DCAKD: variants seen among roughly 807,000 people sequenced by gnomAD.
DCAKD encodes dephospho-CoA kinase domain containing.
In DCAKD, 15 loss-of-function variants were observed where a neutral mutation model predicts 18.7. The observed-to-expected ratio is 0.80, with a 90% CI of 0.54 to 1.24. The LOEUF (loss-of-function observed/expected upper bound fraction) is 1.24, where lower values mean the gene tolerates loss of function less well. DCAKD is among the 50% of genes most tolerant of loss of function. The pLI, the probability that DCAKD is intolerant of heterozygous loss-of-function variation, is 0.00. For synonymous variants in DCAKD, 130 were observed against 133.0 expected, an observed-to-expected ratio of 0.98 and a Z score of 0.16; for missense variants, 301 against 322.0, an observed-to-expected ratio of 0.93 and a Z score of 0.50.
At chr17:45,032,274 G>C (rs778529270) in intron 3 of DCAKD, among the ~76,000 whole-genome samples, 13 of 152,312 alleles carry the variant, frequency 8.5e-5, no homozygotes. Context: ...GGAGGCCTGC[G>C]GCATGGTGCT....
upstream of DCAKD, chr17:45,053,996 G>A (rs186701646): frequency 4.1e-4 from 203 of 494,322 alleles, no homozygotes; most frequent in Non-Finnish European, 6.6e-4. Flanking sequence ...GCACAGTAGG[G>A]ATTCAGTATA....
intron 1 of DCAKD, among the ~76,000 whole-genome samples, chr17:45,059,977 G>A (rs1316225644): frequency 2.6e-5 from 4 of 152,048 alleles, no homozygotes; most frequent in African/African-American, 7.2e-5. Context: ...GGTGGCGTGC[G>A]CCTTTAATCC....
upstream of DCAKD, among the ~76,000 whole-genome samples, chr17:45,054,590 GTTCT>G (rs893921856): frequency 6.6e-6 from 1 of 152,172 alleles, no homozygotes; most frequent in African/African-American, 2.4e-5. Context: ...CAGTTAGAAA[GTTCT>G]TTCTTAGGCA....
intron 4 of DCAKD, among the ~76,000 whole-genome samples, chr17:45,028,807 C>T (rs1357386042): frequency 2.6e-5 from 4 of 151,180 alleles, no homozygotes; most frequent in Non-Finnish European, 5.9e-5. Context: ...TGGGTTCAAG[C>T]GATTCTCTGG....
intron 4 of DCAKD, chr17:45,026,697 A>G: frequency 1.0e-6 from 1 of 985,390 alleles, no homozygotes. Flanking sequence ...CATGAAAATG[A>G]ATTATACGAG....
upstream of DCAKD, among the ~76,000 whole-genome samples, chr17:45,052,461 G>A (rs191695692): frequency 3.3e-5 from 5 of 152,234 alleles, no homozygotes; most frequent in East Asian, 1.9e-4. Context: ...CTCATACAAA[G>A]TCATGTGATT....
chr17:45,025,421 T>G (rs561027414), intron 4 of DCAKD, among the ~76,000 whole-genome samples: 1 of 152,304 alleles, frequency 6.6e-6, no homozygotes, highest in East Asian at 1.9e-4. Flanking sequence ...GATTCAGCAC[T>G]GCAGATTAGG....
intron 1 of DCAKD, among the ~76,000 whole-genome samples, chr17:45,039,465 T>C (rs1170332279): frequency 6.6e-6 from 1 of 152,230 alleles, no homozygotes; most frequent in Non-Finnish European, 1.5e-5. Context: ...AGGCTCCATC[T>C]ACCCCAGCCC....
At chr17:45,060,927 C>A in exon 1 of DCAKD, 1 of 733,650 alleles carries the variant, frequency 1.4e-6, no homozygotes, top group Non-Finnish European at 1.7e-6. Flanking sequence ...CCAATAACGG[C>A]TCCCAGCGGC....
chr17:45,046,709 C>G (rs1032343864), intron 1 of DCAKD, among the ~76,000 whole-genome samples: 3 of 151,050 alleles, frequency 2.0e-5, no homozygotes, highest in Non-Finnish European at 4.4e-5. Context: ...TTAGGTGATG[C>G]GTGAAGATTT....
upstream of DCAKD, among the ~76,000 whole-genome samples, chr17:45,053,304 C>T (rs1329901937): frequency 6.7e-6 from 1 of 150,230 alleles, no homozygotes; most frequent in Non-Finnish European, 1.5e-5. Context: ...ATTGCCCAGG[C>T]TGGGGTGCAG....
chr17:45,033,803 A>G (rs1243895105), intron 3 of DCAKD: 3 of 1,094,832 alleles, frequency 2.7e-6, no homozygotes, highest in Admixed American at 3.6e-5. Flanking sequence ...AAATGAAAAA[A>G]TGAGCTGAGG....
intron 1 of DCAKD, among the ~76,000 whole-genome samples, chr17:45,043,023 G>C (rs1341560692): frequency 1.3e-5 from 2 of 152,200 alleles, no homozygotes; most frequent in African/African-American, 4.8e-5. Context: ...GCAAAAAAAG[G>C]ATCACAGGGA....
At chr17:45,035,576 G>A (rs758356362) in intron 1 of DCAKD, among the ~76,000 whole-genome samples, 1 of 151,572 alleles carries the variant, frequency 6.6e-6, no homozygotes, top group Non-Finnish European at 1.5e-5. Flanking sequence ...TAGGCAGCAT[G>A]CTTCCTGGAC....
At chr17:45,044,509 T>C (rs879720283) in intron 1 of DCAKD, among the ~76,000 whole-genome samples, 16 of 152,008 alleles carry the variant, frequency 1.1e-4, no homozygotes, top group Non-Finnish European at 1.9e-4. Context: ...CTGGCCAACA[T>C]AGCAAAATCC....
rs372564648 is a variant in DCAKD, at chr17:45,029,981, C to A, written c.404+111G>T. The A allele has an allele frequency of 5.6e-4, 535 of 954,752 alleles. 3 individuals are homozygous for A. In the African/African-American group the frequency reaches 7.4e-3, roughly 13 times the overall value. The allele number at this position is 954,752 out of a possible 1,614,324, so 59.1% of individuals were successfully genotyped here. A position where few individuals can be genotyped will look rare whatever the true frequency, so the allele number is the denominator to read the frequency against. On this transcript the variant is annotated intron_variant, in intron 4 of 4. Coordinates refer to ENST00000651974, the MANE Select transcript of DCAKD (RefSeq NM_001288655.2). The stretch of plus-strand genomic sequence containing the variant: ...ACCCTGAGCACTGCTGCCCAAACCC[C>A]CATGCCTCTTGGCCGCCCCGTGGGG...
intron 1 of DCAKD, among the ~76,000 whole-genome samples, chr17:45,042,598 G>A (rs190889229): frequency 4.1e-4 from 62 of 152,332 alleles, no homozygotes; most frequent in African/African-American, 1.4e-3. Context: ...TCATGAAAAC[G>A]AGTCATTTCC....
At chr17:45,043,928 A>G (rs2053500903) in intron 1 of DCAKD, among the ~76,000 whole-genome samples, 1 of 151,992 alleles carries the variant, frequency 6.6e-6, no homozygotes, top group Non-Finnish European at 1.5e-5. Context: ...TGCACAGCCC[A>G]CAAGGAGCCC....
intron 1 of DCAKD, among the ~76,000 whole-genome samples, chr17:45,038,840 C>T (rs561823400): frequency 6.6e-6 from 1 of 150,514 alleles, no homozygotes; most frequent in Non-Finnish European, 1.5e-5. Context: ...TTAAAAGGGC[C>T]TTGACAAATA....
Sources: allele counts gnomAD v4.1 joint callset (sites outside exome capture counted in the v4.1 genomes callset), GRCh38; gene constraint gnomAD v4.1.1; transcripts MANE v1.5; gene names NCBI Gene and HGNC (gene_info 2026-07-23, HGNC 2026-07-21).